CAMK2B: variants seen among roughly 807,000 people sequenced by gnomAD.
CAMK2B encodes the protein calcium/calmodulin-dependent protein kinase type II subunit beta.
CAMK2B carries 27 observed loss-of-function variants against 93.7 expected under a neutral mutation model. The observed-to-expected ratio is 0.29, with a 90% CI of 0.21 to 0.40. The LOEUF is 0.40. Among genes scored for constraint, CAMK2B ranks in the 10% least tolerant of loss-of-function variants. CAMK2B has a pLI of 1.00. For missense variants in CAMK2B, 568 were observed against 895.8 expected (o/e 0.63, Z 4.67); for synonymous variants, 374 against 358.8 (o/e 1.04, Z -0.48).
intron 16 of CAMK2B, among the ~76,000 whole-genome samples, chr7:44,231,708 C>A (rs3808318): frequency 1.3e-5 from 2 of 152,096 alleles, no homozygotes; most frequent in African/African-American, 4.8e-5. Flanking sequence ...TGGGACTGGA[C>A]GTCCAGTCAG....
At chr7:44,315,023 A>C (rs938795618) in intron 1 of CAMK2B, among the ~76,000 whole-genome samples, 2 of 152,328 alleles carry the variant, frequency 1.3e-5, no homozygotes, top group South Asian at 2.1e-4. Context: ...CATTCTATGG[A>C]CTATTCTATT....
rs145645610 is a variant in CAMK2B at position 44,239,623 on chromosome 7, C to T, written c.987G>A (p.Ala329=). 2.5e-5 allele frequency: 38 copies of T among 1,545,284 alleles called. No individual in the cohort carries two copies. The highest frequency in any genetic ancestry group is 3.2e-5 in the Non-Finnish European group (37 of 1,144,124). The change falls in exon 13 of 24, where the codon GCG becomes GCA. Residue 329 remains alanine (A), a synonymous_variant. Coordinates refer to ENST00000395749, the MANE Select transcript of CAMK2B (RefSeq NM_001220.5). The part of the protein sequence containing the change: ...QTTAPATMST[A]ASGTTMGLVE... ...CCAGCCCCATGGTGGTGCCGGAGGC[C>T]GCGGTGGACATTGTGGCCGGAGCGG...
chr7:44,313,908 A>G (rs993172533), intron 1 of CAMK2B, among the ~76,000 whole-genome samples: 5 of 151,728 alleles, frequency 3.3e-5, no homozygotes, highest in African/African-American at 9.7e-5. Context: ...TTGTTTGCGA[A>G]GACACTTCGC....
intron 5 of CAMK2B, among the ~76,000 whole-genome samples, chr7:44,250,400 T>C (rs2096769050): frequency 6.6e-6 from 1 of 152,216 alleles, no homozygotes; most frequent in African/African-American, 2.4e-5. Flanking sequence ...ATGTCACTTT[T>C]GTGATTAGAA....
At chr7:44,226,760 A>T in intron 19 of CAMK2B, 116 bp from the exon 20 acceptor site, 7 of 161,032 alleles carry the variant, frequency 4.3e-5, no homozygotes, top group East Asian at 1.9e-4. Context: ...GATGTGGGGG[A>T]TGGGGCACAA....
In CAMK2B at chr7:44,220,324, G is replaced by A. The variant is rs201781879; in HGVS notation, c.1769-30C>T. On this transcript the variant is annotated intron_variant, in intron 22 of 23. Coordinates refer to ENST00000395749, the MANE Select transcript of CAMK2B (RefSeq NM_001220.5). ...GGACAGCAGGCGGGGCGGGGGTCTC[G>A]GGTTACCATGACTGCCCTGGTGCCC... The A allele has an allele frequency of 2.2e-4, 346 of 1,553,042 alleles. 1 individual carries two copies. The East Asian group carries it at 3.1e-3, about 14-fold the overall frequency.
chr7:44,304,519 C>T (rs1355990049), intron 1 of CAMK2B, among the ~76,000 whole-genome samples: 4 of 152,210 alleles, frequency 2.6e-5, no homozygotes, highest in Admixed American at 1.3e-4. Flanking sequence ...AGGCCACATA[C>T]TGTGTGAGTC....
At chr7:44,289,113 C>A (rs1034208008) in intron 1 of CAMK2B, among the ~76,000 whole-genome samples, 2 of 152,188 alleles carry the variant, frequency 1.3e-5, no homozygotes, top group African/African-American at 2.4e-5. Context: ...AGCTGCCCCC[C>A]CAACCCTCGT....
chr7:44,220,806 C>CA lies in CAMK2B; in HGVS notation c.1673+19_1673+20insT, dbSNP rs746145155. 9 of 1,560,834 alleles carry CA rather than the reference C, an allele frequency of 5.8e-6. No homozygotes were observed. The highest frequency in any genetic ancestry group is 7.8e-6 in the Non-Finnish European group (9 of 1,151,628). ...CACATCCTTGTCCTGCACAGCCCCC[C>CA]CCCAGCCCCAGGGACTCACGCGTAG... On this transcript the variant is annotated intron_variant, in intron 21 of 23. Coordinates refer to ENST00000395749, the MANE Select transcript of CAMK2B (RefSeq NM_001220.5).
intron 19 of CAMK2B, among the ~76,000 whole-genome samples, chr7:44,228,468 C>T (rs1302079097): frequency 6.6e-6 from 1 of 152,024 alleles, no homozygotes; most frequent in Non-Finnish European, 1.5e-5. Context: ...GCAGAGAGGG[C>T]CTAGGGGCAT....
At chr7:44,255,141 T>G (rs931330262) in intron 4 of CAMK2B, among the ~76,000 whole-genome samples, 7 of 152,020 alleles carry the variant, frequency 4.6e-5, no homozygotes, top group African/African-American at 1.4e-4. Flanking sequence ...GGTGCCTAAA[T>G]CTGGTCTCCT....
chr7:44,287,531 C>T (rs1035904835), intron 1 of CAMK2B, among the ~76,000 whole-genome samples: 12 of 152,160 alleles, frequency 7.9e-5, no homozygotes, highest in Admixed American at 5.9e-4. Flanking sequence ...GAAGTGTCAG[C>T]CCTCTTGAGA....
chr7:44,243,226 G>T, intron 8 of CAMK2B, 24 bp downstream of exon 8: 1 of 1,587,162 alleles, frequency 6.3e-7, no homozygotes, highest in Non-Finnish European at 8.6e-7. Flanking sequence ...GCCCTGCCCC[G>T]CACCAACTCA....
At chr7:44,260,079 T>C (rs893254372) in intron 3 of CAMK2B, among the ~76,000 whole-genome samples, 10 of 152,160 alleles carry the variant, frequency 6.6e-5, no homozygotes, top group African/African-American at 1.9e-4. Context: ...CTTGGAGAGA[T>C]GAACCTCTGA....
chr7:44,301,514 C>G (rs931571648), intron 1 of CAMK2B, among the ~76,000 whole-genome samples: 1 of 152,152 alleles, frequency 6.6e-6, no homozygotes, highest in Non-Finnish European at 1.5e-5. Flanking sequence ...CAGTGGCTCA[C>G]GCCTGTAATA....
intron 5 of CAMK2B, among the ~76,000 whole-genome samples, chr7:44,253,911 T>C (rs1017700853): frequency 6.6e-6 from 1 of 151,736 alleles, no homozygotes; most frequent in East Asian, 1.9e-4. Context: ...GTTTTTTTTT[T>C]TTTTTTTTTT....
chr7:44,292,705 T>C (rs1787202144), intron 1 of CAMK2B, among the ~76,000 whole-genome samples: 1 of 152,160 alleles, frequency 6.6e-6, no homozygotes, highest in South Asian at 2.1e-4. Context: ...ACCATAGAAA[T>C]CTTTATTCAA....
intron 13 of CAMK2B, among the ~76,000 whole-genome samples, chr7:44,234,950 C>T (rs2096611722): frequency 6.6e-6 from 1 of 152,224 alleles, no homozygotes; most frequent in Non-Finnish European, 1.5e-5. Context: ...CCCGTGGGTG[C>T]TGGGGAGCCC....
chr7:44,309,976 C>T (rs1029714091), intron 1 of CAMK2B, among the ~76,000 whole-genome samples: 2 of 152,226 alleles, frequency 1.3e-5, no homozygotes, highest in African/African-American at 4.8e-5. Flanking sequence ...GAAGGACACG[C>T]GGGAAGAGCC....
Sources: allele counts gnomAD v4.1 joint callset (sites outside exome capture counted in the v4.1 genomes callset), GRCh38; gene constraint gnomAD v4.1.1; transcripts MANE v1.5; gene names NCBI Gene and HGNC (gene_info 2026-07-23, HGNC 2026-07-21).